Variants in PLCB4 observed in about 807,000 individuals in gnomAD.
PLCB4 encodes 1-phosphatidylinositol 4,5-bisphosphate phosphodiesterase beta-4.
A neutral mutation model predicts 178.8 loss-of-function variants in PLCB4; 77 were observed. The observed-to-expected ratio is 0.43, with a 90% CI of 0.36 to 0.52. The LOEUF (loss-of-function observed/expected upper bound fraction) is 0.52, where lower values mean the gene tolerates loss of function less well. Among genes scored for constraint, PLCB4 ranks in the 20% least tolerant of loss-of-function variants. The pLI is 0.00. For synonymous variants in PLCB4, 496 were observed against 490.8 expected (o/e 1.01, Z -0.14); for missense variants, 1,024 against 1,453.4 (o/e 0.70, Z 4.80).
rs555571024 is a variant in PLCB4, at chr20:9,151,646, A to AC, written c.-79+55306dup. Among the ~76,000 whole-genome samples the AC allele has an allele frequency of 2.0e-4, 31 of 152,132 alleles. No homozygotes were observed. In the East Asian group the frequency reaches 4.5e-3, roughly 22 times the overall value. ...CATGTGGAACTGTAAGTCCAATTAA[A>AC]CCTTTTTTTCTTCCCGGTCTTGGAT... On this transcript the variant is annotated intron_variant, in intron 2 of 39. Transcript: ENST00000378473.
intron 14 of PLCB4, among the ~76,000 whole-genome samples, chr20:9,385,289 G>A (rs1041571434): frequency 1.2e-4 from 19 of 152,080 alleles, no homozygotes; most frequent in East Asian, 7.8e-4. Flanking sequence ...AACCGCCATC[G>A]TCATCATGGC....
intron 2 of PLCB4, among the ~76,000 whole-genome samples, chr20:9,159,031 A>C (rs2092838912): frequency 6.6e-6 from 1 of 152,198 alleles, no homozygotes; most frequent in Admixed American, 6.5e-5. Flanking sequence ...AAGATGTTTA[A>C]ATGAATTCAG....
chr20:9,073,724 A>G (rs1208163925), intron 1 of PLCB4, among the ~76,000 whole-genome samples: 1 of 151,986 alleles, frequency 6.6e-6, no homozygotes, highest in Non-Finnish European at 1.5e-5. Flanking sequence ...TTATGCAAAA[A>G]ATACCAATAA....
At chr20:9,132,478 A>T (rs2092294770) in intron 2 of PLCB4, among the ~76,000 whole-genome samples, 1 of 152,234 alleles carries the variant, frequency 6.6e-6, no homozygotes, top group South Asian at 2.1e-4. Context: ...AGTGACTCCA[A>T]GTCCTACAAC....
intron 25 of PLCB4, among the ~76,000 whole-genome samples, chr20:9,419,005 T>C (rs1273847153): frequency 6.6e-6 from 1 of 152,192 alleles, no homozygotes; most frequent in African/African-American, 2.4e-5. Flanking sequence ...TTTATATGTT[T>C]ATCTGGTATC....
At chr20:9,097,561 G>A (rs2090965639) in intron 2 of PLCB4, among the ~76,000 whole-genome samples, 1 of 151,902 alleles carries the variant, frequency 6.6e-6, no homozygotes, top group South Asian at 2.1e-4. Context: ...ATCATTTCTG[G>A]GCTGAGAAGT....
chr20:9,094,132 T>C (rs1356421925), intron 1 of PLCB4, among the ~76,000 whole-genome samples: 1 of 152,102 alleles, frequency 6.6e-6, no homozygotes, highest in Non-Finnish European at 1.5e-5. Context: ...GTTATTCATT[T>C]CCCCAATTAC....
At chr20:9,426,510 T>G (rs1411862548) in intron 28 of PLCB4, among the ~76,000 whole-genome samples, 3 of 152,090 alleles carry the variant, frequency 2.0e-5, no homozygotes, top group Non-Finnish European at 2.9e-5. Context: ...TCCCGATAGC[T>G]AGAACTACAG....
chr20:9,278,080 C>G (rs1190574354), intron 3 of PLCB4, among the ~76,000 whole-genome samples: 1 of 151,998 alleles, frequency 6.6e-6, no homozygotes, highest in African/African-American at 2.4e-5. Context: ...GAGATATGAA[C>G]ACAGAGAACA....
At chr20:9,230,892 AG>A (rs1272255400) in intron 3 of PLCB4, among the ~76,000 whole-genome samples, 1 of 152,176 alleles carries the variant, frequency 6.6e-6, no homozygotes, top group East Asian at 1.9e-4. Context: ...CAGAGATTCA[AG>A]AGGTGAGGAA....
intron 2 of PLCB4, among the ~76,000 whole-genome samples, chr20:9,139,238 T>A (rs2092440932): frequency 6.6e-6 from 1 of 152,104 alleles, no homozygotes; most frequent in African/African-American, 2.4e-5. Flanking sequence ...AACAAACCAC[T>A]CCAAAACTTA....
chr20:9,401,380 T>C, intron 19 of PLCB4, 110 bp from the exon 20 acceptor site: 2 of 704,808 alleles, frequency 2.8e-6, no homozygotes, highest in South Asian at 3.3e-5. Flanking sequence ...CATTTTCTTT[T>C]AGCATCCTTT....
intron 3 of PLCB4, among the ~76,000 whole-genome samples, chr20:9,306,302 T>C (rs191131141): frequency 2.0e-5 from 3 of 152,254 alleles, no homozygotes; most frequent in African/African-American, 7.2e-5. Flanking sequence ...AGATGGGGTT[T>C]CGCCATGTTG....
At chr20:9,298,429 A>G (rs2094664980) in intron 3 of PLCB4, among the ~76,000 whole-genome samples, 1 of 152,076 alleles carries the variant, frequency 6.6e-6, no homozygotes, top group South Asian at 2.1e-4. Flanking sequence ...GAGGAAAGAT[A>G]TTACTTTTTC....
chr20:9,444,386 C>T (rs780547880), intron 32 of PLCB4, 143 bp downstream of exon 32: 31 of 592,082 alleles, frequency 5.2e-5, no homozygotes, highest in Middle Eastern at 5.5e-4. Context: ...AAAATAGAAT[C>T]GGTTTGGGAG....
At chr20:9,439,052 G>A (rs1218031078) in intron 30 of PLCB4, among the ~76,000 whole-genome samples, 1 of 152,236 alleles carries the variant, frequency 6.6e-6, no homozygotes, top group East Asian at 1.9e-4. Context: ...GAAGTTTCAG[G>A]ATAGACAGGA....
At chr20:9,089,730 T>A (rs1278809152) in intron 1 of PLCB4, among the ~76,000 whole-genome samples, 1 of 152,170 alleles carries the variant, frequency 6.6e-6, no homozygotes, top group Non-Finnish European at 1.5e-5. Context: ...ATTTGGAGCC[T>A]TTGTCAGCTG....
At chr20:9,351,140 C>CT (rs531448471) in intron 7 of PLCB4, among the ~76,000 whole-genome samples, 8,010 of 136,942 alleles carry the variant, frequency 0.058, 286 homozygotes, top group Non-Finnish European at 0.088. Flanking sequence ...AGAAGTATTT[C>CT]TTTTTTTTTT....
chr20:9,409,175 A>G lies in PLCB4; in HGVS notation c.1993A>G (p.Thr665Ala). ...CCAGATGGTTTCACTGAACTATCAA[A>G]CCCCAGGTAGGAGCTGATGTCCAGT... is the stretch of plus-strand genomic sequence containing the variant. ...GCQMVSLNYQ[T>A]PDLAMQLNQG... Residue 665 changes from threonine (T) to alanine (A), a missense_variant, in exon 24 of 40, where the codon ACC becomes GCC. Coordinates refer to ENST00000378473, the MANE Select transcript of PLCB4 (RefSeq NM_001377142.1). 6.3e-7 allele frequency: 1 copy of G among 1,597,542 alleles called. No homozygotes were observed. The highest frequency in any genetic ancestry group is 8.5e-7 in the Non-Finnish European group (1 of 1,176,284).
Sources: gnomAD v4.1 joint callset for allele counts (sites outside exome capture counted in the v4.1 genomes callset) on GRCh38, gnomAD v4.1.1 for gene constraint, MANE v1.5 for transcripts, NCBI Gene and HGNC (gene_info 2026-07-23, HGNC 2026-07-21) for gene names.